The following SLC30A6 variants were observed in gnomAD, a reference collection of about 807,000 sequenced individuals.
The protein encoded by SLC30A6 is zinc transporter 6.
In SLC30A6, 55 loss-of-function variants were observed where a neutral mutation model predicts 63.0. That is an observed-to-expected ratio of 0.87 (90% CI 0.70 to 1.09). The LOEUF (loss-of-function observed/expected upper bound fraction) is 1.09, where lower values mean the gene tolerates loss of function less well. Ranked by LOEUF, SLC30A6 falls within the 50% of genes least tolerant of loss-of-function variation. The pLI is 0.00. For missense variants in SLC30A6, 587 were observed against 549.2 expected (o/e 1.07, Z -0.69); for synonymous variants, 224 against 186.1 (o/e 1.20, Z -1.66).
rs374857682 is a variant in SLC30A6 at position 32,211,640 on chromosome 2, C to T, written c.885+2079C>T. 1.6e-3 allele frequency among the ~76,000 whole-genome samples: 244 copies of T among 151,662 alleles called. 9 individuals carry two copies. The South Asian group carries it at 0.046, about 29-fold the overall frequency. ...TTTTTTTTTATTTTTATTTTTGAGA[C>T]GGAGTCTTGCTCTGTCGCCCAGGTG... On this transcript the variant is annotated intron_variant, in intron 13 of 13. Transcript: ENST00000282587.
At chr2:32,184,122 T>C in intron 4 of SLC30A6, 151 bp from the exon 5 acceptor site, 1 of 268,698 alleles carries the variant, frequency 3.7e-6, no homozygotes, top group Admixed American at 5.3e-5. Flanking sequence ...CTAGAATTAA[T>C]TATCTTAATA....
chr2:32,174,589 C>G (rs1681554205), intron 3 of SLC30A6, among the ~76,000 whole-genome samples: 1 of 114,604 alleles, frequency 8.7e-6, no homozygotes, highest in Non-Finnish European at 1.6e-5. Flanking sequence ...GAGTCTCACT[C>G]TGTTGCCAGG....
chr2:32,166,542 G>A (rs1680675686), intron 1 of SLC30A6, among the ~76,000 whole-genome samples: 1 of 152,228 alleles, frequency 6.6e-6, no homozygotes, highest in Non-Finnish European at 1.5e-5. Context: ...TCTCAAATTT[G>A]TTAGAATTAG....
chr2:32,214,765 GA>G (rs1685557129), intron 13 of SLC30A6, among the ~76,000 whole-genome samples: 1 of 152,106 alleles, frequency 6.6e-6, no homozygotes, highest in Non-Finnish European at 1.5e-5. Flanking sequence ...GTAATTATAG[GA>G]GACTTTTCAA....
At chr2:32,191,079 T>C (rs989974328) in intron 5 of SLC30A6, among the ~76,000 whole-genome samples, 1 of 152,224 alleles carries the variant, frequency 6.6e-6, no homozygotes, top group Non-Finnish European at 1.5e-5. Flanking sequence ...CCTATTGATA[T>C]CTGGTAGTAT....
chr2:32,190,623 T>A (rs982199097), intron 5 of SLC30A6, among the ~76,000 whole-genome samples: 1 of 152,032 alleles, frequency 6.6e-6, no homozygotes, highest in African/African-American at 2.4e-5. Context: ...TACAATCCAG[T>A]TGGAATAGAT....
At chr2:32,194,367 T>C (rs1048132112) in intron 8 of SLC30A6, among the ~76,000 whole-genome samples, 1 of 152,204 alleles carries the variant, frequency 6.6e-6, no homozygotes, top group Non-Finnish European at 1.5e-5. Flanking sequence ...AATTGTATTC[T>C]GTTAATAAAG....
In SLC30A6 at chr2:32,197,805, CAT is replaced by C. The variant is rs1683932038; in HGVS notation, c.649_650del (p.Met217AlafsTer3). On this transcript the variant is annotated frameshift_variant, in exon 10 of 14. Transcript: ENST00000282587. LOFTEE classifies it high-confidence loss of function. ...GCTGGAGCATTTGCTCTTTGTATTA[CAT>C]ATATGCTCATTGAAATTAAGTGAGT... The C allele has an allele frequency of 2.5e-6, 4 of 1,613,690 alleles. No homozygotes were observed. The highest frequency in any genetic ancestry group is 3.4e-6 in the Non-Finnish European group (4 of 1,179,894).
At chr2:32,171,808 T>C (rs2148799315) in intron 2 of SLC30A6, among the ~76,000 whole-genome samples, 1 of 152,246 alleles carries the variant, frequency 6.6e-6, no homozygotes, top group Admixed American at 6.5e-5. Context: ...TTCTCCTGCC[T>C]CAGCCTCCCA....
chr2:32,192,670 T>C (rs942199993), intron 6 of SLC30A6, among the ~76,000 whole-genome samples: 1 of 152,202 alleles, frequency 6.6e-6, no homozygotes, highest in Admixed American at 6.5e-5. Flanking sequence ...TGTTTGATGC[T>C]TATTACAAAC....
chr2:32,171,712 G>A (rs1681232732), intron 2 of SLC30A6, among the ~76,000 whole-genome samples: 1 of 148,740 alleles, frequency 6.7e-6, no homozygotes, highest in Non-Finnish European at 1.5e-5. Context: ...TTTTTTTTGA[G>A]ATGAAGTTAC....
chr2:32,195,916 A>G (rs1386038438), intron 8 of SLC30A6, among the ~76,000 whole-genome samples: 1 of 152,190 alleles, frequency 6.6e-6, no homozygotes, highest in East Asian at 1.9e-4. Flanking sequence ...TGGGCTTGGT[A>G]GCATGTGCCT....
At chr2:32,193,201 G>A (rs919324978) in intron 7 of SLC30A6, among the ~76,000 whole-genome samples, 3 of 152,034 alleles carry the variant, frequency 2.0e-5, no homozygotes, top group Admixed American at 1.3e-4. Context: ...ATTATTTCCA[G>A]GCCTAGGAAA....
At chr2:32,167,860 A>G (rs2148787861) in intron 1 of SLC30A6, among the ~76,000 whole-genome samples, 1 of 152,312 alleles carries the variant, frequency 6.6e-6, no homozygotes, top group Middle Eastern at 3.4e-3. Flanking sequence ...GTAAAACTTG[A>G]ATCTCTTGTG....
rs76828792 is a variant in SLC30A6, at chr2:32,220,437, G to A, written c.1110G>A (p.Leu370=). 5.0e-6 allele frequency: 8 copies of A among 1,614,126 alleles called. No homozygotes were observed. In the East Asian group the frequency reaches 1.6e-4, roughly 31 times the overall value. The stretch of plus-strand genomic sequence containing the variant: ...CTCTTTTAAAGGGTACTGATGATTT[G>A]AACCCAGTTACATCAACTCCAGCTA... ...PMPLLKGTDD[L]NPVTSTPAKP... The change falls in exon 14 of 14, where the codon TTG becomes TTA. Residue 370 remains leucine, a synonymous_variant. Coordinates refer to ENST00000282587, the MANE Select transcript of SLC30A6 (RefSeq NM_017964.5).
chr2:32,183,029 A>C (rs568951883), intron 4 of SLC30A6, among the ~76,000 whole-genome samples: 2 of 152,208 alleles, frequency 1.3e-5, no homozygotes, highest in African/African-American at 4.8e-5. Flanking sequence ...TCTACTAAAA[A>C]TACAAAAATT....
At chr2:32,203,202 G>A in intron 10 of SLC30A6, 1 of 1,137,804 alleles carries the variant, frequency 8.8e-7, no homozygotes. Flanking sequence ...TCCTCCTCAG[G>A]ATGTTGAGTC....
intron 10 of SLC30A6, 72 bp downstream of exon 10, chr2:32,197,898 G>A: frequency 6.4e-7 from 1 of 1,569,054 alleles, no homozygotes; most frequent in Non-Finnish European, 8.7e-7. Context: ...TCAGCAGGAT[G>A]GATAGTGGTC....
At chr2:32,198,391 A>G (rs1270197832) in intron 10 of SLC30A6, among the ~76,000 whole-genome samples, 1 of 152,168 alleles carries the variant, frequency 6.6e-6, no homozygotes, top group Admixed American at 6.6e-5. Flanking sequence ...TCTAGCCCAC[A>G]TCTCTATTGA....
Sources: gnomAD v4.1 joint callset for allele counts (sites outside exome capture counted in the v4.1 genomes callset) on GRCh38, gnomAD v4.1.1 for gene constraint, MANE v1.5 for transcripts, NCBI Gene and HGNC (gene_info 2026-07-23, HGNC 2026-07-21) for gene names.